TMBIM6: variants seen among roughly 807,000 people sequenced by gnomAD.
TMBIM6 encodes the protein bax inhibitor 1.
Under a neutral mutation model 31.4 loss-of-function variants are expected in TMBIM6, and 13 were observed. The observed-to-expected ratio is 0.41, with a 90% confidence interval of 0.27 to 0.66. The LOEUF (loss-of-function observed/expected upper bound fraction) is 0.66. TMBIM6 is among the 30% of genes least tolerant of loss of function. TMBIM6 has a pLI of 0.28. For synonymous variants in TMBIM6, 85 were observed against 101.7 expected (o/e 0.84, Z 0.99); for missense variants, 275 against 289.5 (o/e 0.95, Z 0.36).
At chr12:49,758,785 C>G in intron 7 of TMBIM6, 23 bp downstream of exon 7, 1 of 1,597,196 alleles carries the variant, frequency 6.3e-7, no homozygotes, top group Non-Finnish European at 8.6e-7. Flanking sequence ...CTGGAACTTT[C>G]CAGCAGCCAT....
intron 8 of TMBIM6, among the ~76,000 whole-genome samples, chr12:49,761,403 C>T (rs1227326351): frequency 6.6e-6 from 1 of 152,028 alleles, no homozygotes; most frequent in Non-Finnish European, 1.5e-5. Flanking sequence ...CGGGATTTTG[C>T]TATGTTACCC....
Position 49,752,384 on chromosome 12 carries a change from A to G in TMBIM6, c.-30-80A>G, listed in dbSNP as rs145906489. 824 of 982,722 alleles carry G rather than the reference A, an allele frequency of 8.4e-4. 8 individuals are homozygous for G. In the African/African-American group the frequency reaches 0.013, roughly 16 times the overall value. The allele number at this position is 982,722 out of a possible 1,614,324, so 60.9% of individuals were successfully genotyped here. The stretch of plus-strand genomic sequence containing the variant: ...CAAGTTTTCATCTTTCTGAACTTAC[A>G]TGTTGCTTTTTTTTTTTTTTATAAG... On this transcript the variant is annotated intron_variant, in intron 1 of 9. Coordinates refer to ENST00000267115, the MANE Select transcript of TMBIM6 (RefSeq NM_003217.3).
At chr12:49,762,171 A>G (rs1161076801) in intron 9 of TMBIM6, 1 of 186,624 alleles carries the variant, frequency 5.4e-6, no homozygotes, top group African/African-American at 2.4e-5. Flanking sequence ...ATATAGGGCT[A>G]ATGAGTATCT....
chr12:49,763,581 A>G lies in TMBIM6; in HGVS notation c.*685A>G, dbSNP rs1263727776. 6.6e-6 allele frequency: 1 copy of G among 152,302 alleles called. No individual in the cohort carries two copies. Among genetic ancestry groups the G allele is most frequent in the African/African-American group, 2.4e-5 (1 of 41,470 alleles). The allele number at this position is 152,302 out of a possible 1,614,324, so 9.4% of individuals were successfully genotyped here. On this transcript the variant is annotated 3_prime_UTR_variant, in exon 10 of 10. Transcript: ENST00000267115. ...TCCATGGGTGGGAAGACTTCAGCACAAAGGAAAGACTAATTCTTGTCAGGC... is the reference window on the plus strand; with the variant it reads ...TCCATGGGTGGGAAGACTTCAGCACGAAGGAAAGACTAATTCTTGTCAGGC...
chr12:49,743,120 C>T (rs564227285), intron 1 of TMBIM6, among the ~76,000 whole-genome samples: 8 of 151,788 alleles, frequency 5.3e-5, no homozygotes, highest in African/African-American at 1.9e-4. Context: ...TAGCTAGGAC[C>T]ACAGGTGGAC....
rs1034402170 is a variant in TMBIM6, at chr12:49,764,914, A to G, written c.*2018A>G. The G allele has an allele frequency of 6.6e-6, 1 of 152,084 alleles. No homozygotes were observed. The highest frequency in any genetic ancestry group is 2.4e-5 in the African/African-American group (1 of 41,410). The allele number at this position is 152,084 out of a possible 1,614,324, so 9.4% of individuals were successfully genotyped here. On this transcript the variant is annotated 3_prime_UTR_variant, in exon 10 of 10. Transcript: ENST00000267115. ...TGCATAGTCTTAATTTGTAAAAAAT[A>G]AAGAAAATTCCTTAACCTTTCCTGG...
At chr12:49,754,217 G>A (rs1170177946) in intron 3 of TMBIM6, among the ~76,000 whole-genome samples, 1 of 152,058 alleles carries the variant, frequency 6.6e-6, no homozygotes, top group Non-Finnish European at 1.5e-5. Context: ...AAACTCCTGG[G>A]CTCAATTGAT....
At chr12:49,753,390 T>C (rs1311267099) in intron 3 of TMBIM6, among the ~76,000 whole-genome samples, 1 of 152,236 alleles carries the variant, frequency 6.6e-6, no homozygotes, top group African/African-American at 2.4e-5. Flanking sequence ...AGAAGCTTTT[T>C]TATCTTTTCC....
rs946272861 is a variant in TMBIM6 at position 49,764,383 on chromosome 12, C to G, written c.*1487C>G. ...GTTTGACACAGTGGCCTCAGGTTCA[C>G]AGTGCACCATGTCACTGTGCTATCC... is the stretch of plus-strand genomic sequence containing the variant. On this transcript the variant is annotated 3_prime_UTR_variant, in exon 10 of 10. Transcript: ENST00000267115. 6.6e-6 allele frequency: 1 copy of G among 152,190 alleles called. No homozygotes were observed. Among genetic ancestry groups the G allele is most frequent in the African/African-American group, 2.4e-5 (1 of 41,434 alleles). 9.4% of individuals were successfully genotyped at this position (152,190 alleles called of 1,614,324 possible).
chr12:49,761,530 A>G (rs1945718733), intron 8 of TMBIM6, among the ~76,000 whole-genome samples, 174 bp from the exon 9 acceptor site: 1 of 151,180 alleles, frequency 6.6e-6, no homozygotes, highest in East Asian at 1.9e-4. Context: ...ATGCTGCATG[A>G]CTTCGATGAG....
chr12:49,755,237 G>A (rs1451434675), intron 3 of TMBIM6, among the ~76,000 whole-genome samples: 5 of 152,138 alleles, frequency 3.3e-5, no homozygotes, highest in African/African-American at 7.2e-5. Flanking sequence ...GATTACAGGC[G>A]TGAGCCACCA....
rs1295292007 is a variant in TMBIM6, at chr12:49,762,941, C to A, written c.*45C>A. 4.4e-6 allele frequency: 7 copies of A among 1,598,938 alleles called. No homozygotes were observed. Among genetic ancestry groups the A allele is most frequent in the Non-Finnish European group, 5.1e-6 (6 of 1,167,304 alleles). On this transcript the variant is annotated 3_prime_UTR_variant, in exon 10 of 10. Transcript: ENST00000267115. ...CCAATTAGACTTCCTCTCCTTCCAC[C>A]CCTCATTTCCTTTTTGCACACATTA...
Position 49,742,065 on chromosome 12 carries a change from G to A in TMBIM6, c.-31+454G>A. The A allele has an allele frequency of 2.6e-6, 4 of 1,559,060 alleles. No homozygotes were observed. The South Asian group carries it at 3.5e-5, about 14-fold the overall frequency. On this transcript the variant is annotated intron_variant, in intron 1 of 9. Coordinates refer to ENST00000267115, the MANE Select transcript of TMBIM6 (RefSeq NM_003217.3). ...CCGATTGCTGTTCGGCTGCGGGCGG[G>A]TCCTTTGGTCGGGCTGACCCTGGGT...
chr12:49,755,718 A>G lies in TMBIM6; in HGVS notation c.249A>G (p.Lys83=). The G allele has an allele frequency of 6.2e-7, 1 of 1,614,156 alleles. No homozygotes were observed. Among genetic ancestry groups the G allele is most frequent in the Non-Finnish European group, 8.5e-7 (1 of 1,179,998 alleles). ...ATPHSHETEQ[K]RLGLLAGFAF... is the part of the protein sequence containing the mutation. ...CTCATAGCCATGAAACTGAACAGAAAAGACTGGGACTTCTTGCTGGATTTG... is the reference window on the plus strand; with the variant it reads ...CTCATAGCCATGAAACTGAACAGAAGAGACTGGGACTTCTTGCTGGATTTG... The change falls in exon 4 of 10, where the codon AAA becomes AAG. Residue 83 remains lysine, a synonymous_variant. Transcript: ENST00000267115.
intron 1 of TMBIM6, chr12:49,742,209 G>T: frequency 6.2e-7 from 1 of 1,613,448 alleles, no homozygotes; most frequent in Non-Finnish European, 8.5e-7. Context: ...AGTGAGAGGA[G>T]TCTGGGGCTG....
At chr12:49,756,299 C>A (rs919928923) in intron 4 of TMBIM6, among the ~76,000 whole-genome samples, 3 of 151,518 alleles carry the variant, frequency 2.0e-5, no homozygotes, top group African/African-American at 7.3e-5. Flanking sequence ...CCATGCCCGG[C>A]TAATTTTTGT....
At position 49,755,729 on chromosome 12, in the gene TMBIM6, T is replaced by C; in HGVS notation, c.260T>C (p.Leu87Pro). ...SHETEQKRLG[L>P]LAGFAFLTGV... is the part of the protein sequence containing the mutation. ...GAAACTGAACAGAAAAGACTGGGAC[T>C]TCTTGCTGGATTTGCATTCCTTACA... is the stretch of plus-strand genomic sequence containing the variant. The change falls in exon 4 of 10, where the codon CTT (leucine) becomes CCT (proline). Residue 87 changes from leucine (L) to proline (P), a missense_variant. Coordinates refer to ENST00000267115, the MANE Select transcript of TMBIM6 (RefSeq NM_003217.3). 1 of 1,614,094 alleles carries C rather than the reference T, an allele frequency of 6.2e-7. No homozygotes were observed. Among genetic ancestry groups the C allele is most frequent in the Non-Finnish European group, 8.5e-7 (1 of 1,179,982 alleles).
rs1320240749 is a variant in TMBIM6 at position 49,745,209 on chromosome 12, G to A, written c.-31+3598G>A. On this transcript the variant is annotated intron_variant, in intron 1 of 9. Transcript: ENST00000267115. ...GGCAGGGAAAGCATCAAGCTTTTGCGCATTTACTTCATCAAATCCTTTACC... is the reference window on the plus strand; with the variant it reads ...GGCAGGGAAAGCATCAAGCTTTTGCACATTTACTTCATCAAATCCTTTACC... Among the ~76,000 whole-genome samples the A allele has an allele frequency of 3.3e-5, 5 of 151,666 alleles. No homozygotes were observed. In the East Asian group the frequency reaches 5.8e-4, roughly 18 times the overall value.
chr12:49,764,716 A>C lies in TMBIM6; in HGVS notation c.*1820A>C, dbSNP rs1193143901. On this transcript the variant is annotated 3_prime_UTR_variant, in exon 10 of 10. Coordinates refer to ENST00000267115, the MANE Select transcript of TMBIM6 (RefSeq NM_003217.3). ...GCCAAGAATGACAAGATATTAAAAAAAAAAAAGAAAGAAAAAAAAAAAAAC... is the reference window on the plus strand; with the variant it reads ...GCCAAGAATGACAAGATATTAAAAACAAAAAAGAAAGAAAAAAAAAAAAAC... 7.1e-6 allele frequency: 1 copy of C among 140,936 alleles called. No individual in the cohort carries two copies. Among genetic ancestry groups the C allele is most frequent in the Non-Finnish European group, 1.5e-5 (1 of 67,134 alleles). The allele number at this position is 140,936 out of a possible 1,614,324, so 8.7% of individuals were successfully genotyped here.
Sources: allele counts gnomAD v4.1 joint callset (sites outside exome capture counted in the v4.1 genomes callset), GRCh38; gene constraint gnomAD v4.1.1; transcripts MANE v1.5; gene names NCBI Gene and HGNC (gene_info 2026-07-23, HGNC 2026-07-21).